The following RPS6KC1 variants were observed in gnomAD, a reference collection of about 807,000 sequenced individuals.
RPS6KC1 encodes ribosomal protein S6 kinase C1.
Under a neutral mutation model 103.8 loss-of-function variants are expected in RPS6KC1, and 54 were observed. The observed-to-expected ratio is 0.52, with a 90% CI of 0.42 to 0.65. The LOEUF is 0.65. RPS6KC1 is among the 30% of genes least tolerant of loss of function. The pLI, the probability that RPS6KC1 is intolerant of heterozygous loss-of-function variation, is 0.00. For missense variants in RPS6KC1, 1,151 were observed against 1,253.8 expected (o/e 0.92, Z 1.24); for synonymous variants, 439 against 438.7 (o/e 1.00, Z -0.01).
At chr1:213,626,198 T>A in the RPS6KC1 span, among the ~76,000 whole-genome samples, 2 of 152,262 alleles carry the variant, frequency 1.3e-5, no homozygotes, top group Non-Finnish European at 2.9e-5. Flanking sequence ...GAGCATTTTT[T>A]CATGTGTCTT....
chr1:213,633,767 G>A, the RPS6KC1 span, among the ~76,000 whole-genome samples: 953 of 150,174 alleles, frequency 6.3e-3, 5 homozygotes, highest in African/African-American at 0.017. Flanking sequence ...TGGATAAAGC[G>A]TCAAGACCCA....
At chr1:213,378,587 C>A in the RPS6KC1 span, among the ~76,000 whole-genome samples, 1,828 of 152,214 alleles carry the variant, frequency 0.012, 35 homozygotes, top group African/African-American at 0.041. Context: ...TTACTGAACC[C>A]AAACTATGTA....
intron 8 of RPS6KC1, chr1:213,205,235 T>G (rs2093303733): frequency 1.0e-6 from 1 of 984,772 alleles, no homozygotes; most frequent in African/African-American, 1.7e-5. Flanking sequence ...TACTGATTCA[T>G]TAGTACACAG....
At chr1:213,073,625 A>T (rs891285074) in intron 2 of RPS6KC1, among the ~76,000 whole-genome samples, 1 of 152,080 alleles carries the variant, frequency 6.6e-6, no homozygotes, top group Non-Finnish European at 1.5e-5. Context: ...GAAATCTCTA[A>T]CTTTTAAATC....
the RPS6KC1 span, among the ~76,000 whole-genome samples, chr1:213,321,047 A>G: frequency 6.6e-6 from 1 of 152,154 alleles, no homozygotes; most frequent in East Asian, 1.9e-4. Flanking sequence ...GGTTTTCTAC[A>G]CTTCTCAACT....
the RPS6KC1 span, among the ~76,000 whole-genome samples, chr1:213,835,284 A>G: frequency 0.86 from 130,483 of 152,194 alleles, 56,372 homozygotes; most frequent in African/African-American, 0.96. Flanking sequence ...AGGAAATGGG[A>G]TCACAGAGGT....
chr1:213,261,479 C>A, intron 12 of RPS6KC1, 79 bp from the exon 13 acceptor site: 1 of 1,272,906 alleles, frequency 7.9e-7, no homozygotes, highest in Non-Finnish European at 1.1e-6. Flanking sequence ...TTAAAAAGGT[C>A]ACCTTGCTAA....
At chr1:213,644,680 A>G in the RPS6KC1 span, among the ~76,000 whole-genome samples, 1 of 152,030 alleles carries the variant, frequency 6.6e-6, no homozygotes, top group Non-Finnish European at 1.5e-5. Flanking sequence ...AGTTTCCTCC[A>G]TGTCTTTTCA....
At chr1:213,109,456 T>C (rs1466452998) in intron 4 of RPS6KC1, among the ~76,000 whole-genome samples, 1 of 152,198 alleles carries the variant, frequency 6.6e-6, no homozygotes, top group Non-Finnish European at 1.5e-5. Context: ...GTAATTTCTT[T>C]AAGCAATGTT....
chr1:213,310,009 A>G, the RPS6KC1 span, among the ~76,000 whole-genome samples: 2 of 152,158 alleles, frequency 1.3e-5, no homozygotes, highest in Non-Finnish European at 2.9e-5. Context: ...CATTCCCCAC[A>G]TTCCACCTAT....
intron 1 of RPS6KC1, among the ~76,000 whole-genome samples, chr1:213,069,150 C>T (rs954216264): frequency 8.5e-5 from 13 of 152,068 alleles, no homozygotes; most frequent in African/African-American, 3.1e-4. Context: ...AGTAGCCACA[C>T]ACATGTGGCT....
intron 6 of RPS6KC1, among the ~76,000 whole-genome samples, chr1:213,167,470 ACACACACACACACACACAC>A (rs1558462344): frequency 4.7e-4 from 68 of 144,336 alleles, no homozygotes; most frequent in East Asian, 2.6e-3. Context: ...ACACACACAC[ACACACACACACACACACAC>A]AACAGCTGTT....
chr1:213,226,075 T>C (rs1393659793), intron 8 of RPS6KC1, among the ~76,000 whole-genome samples: 1 of 151,756 alleles, frequency 6.6e-6, no homozygotes, highest in African/African-American at 2.4e-5. Flanking sequence ...TACAAAAAAT[T>C]AGCTGGGTGT....
the RPS6KC1 span, chr1:213,794,235 A>T: frequency 2.0e-5 from 3 of 152,184 alleles, no homozygotes; most frequent in Admixed American, 6.5e-5. Context: ...ATATTTTTTT[A>T]AAAATTGCCC....
the RPS6KC1 span, among the ~76,000 whole-genome samples, chr1:213,655,135 C>A: frequency 6.6e-6 from 1 of 152,242 alleles, no homozygotes; most frequent in Non-Finnish European, 1.5e-5. Flanking sequence ...CTCCCCCTCC[C>A]AGGCTCAAGT....
chr1:213,607,855 G>A, the RPS6KC1 span, among the ~76,000 whole-genome samples: 26,039 of 152,186 alleles, frequency 0.17, 2,870 homozygotes, highest in East Asian at 0.46. Context: ...AGTTAGAATA[G>A]GGTATCTGGC....
chr1:213,263,491 G>T (rs2094845159), intron 14 of RPS6KC1, among the ~76,000 whole-genome samples: 1 of 152,192 alleles, frequency 6.6e-6, no homozygotes, highest in Admixed American at 6.5e-5. Flanking sequence ...CAGGCCCATT[G>T]CTGGGCTATC....
Position 213,051,462 on chromosome 1 carries a change from C to T in RPS6KC1, c.58C>T (p.Pro20Ser). 6.2e-7 allele frequency: 1 copy of T among 1,613,532 alleles called. No homozygotes were observed. The highest frequency in any genetic ancestry group is 8.5e-7 in the Non-Finnish European group (1 of 1,179,796). Reference sequence around the variant, plus strand: ...GGCCCGTTTCTACACTGTCACCGAGCCCCAGCGACACCCGAGGGGCTACAC... The same window carrying T: ...GGCCCGTTTCTACACTGTCACCGAGTCCCAGCGACACCCGAGGGGCTACAC... ...DLARFYTVTE[P>S]QRHPRGYTVY... Residue 20 changes from proline to serine, a missense_variant, in exon 1 of 15, where the codon CCC becomes TCC. Around this residue, in one of 3 missense-constraint regions of RPS6KC1, gnomAD observed 959 missense variants for 1,006.3 expected, o/e 0.95. Transcript: ENST00000366960.
chr1:213,671,101 T>A, the RPS6KC1 span, among the ~76,000 whole-genome samples: 1 of 152,220 alleles, frequency 6.6e-6, no homozygotes, highest in African/African-American at 2.4e-5. Flanking sequence ...CCAACCAGAC[T>A]TTTTTATTCA....
Sources: gnomAD v4.1 joint callset for allele counts (sites outside exome capture counted in the v4.1 genomes callset) on GRCh38, gnomAD v4.1.1 for gene constraint, gnomAD v4.1.1 regional missense constraint, MANE v1.5 for transcripts, NCBI Gene and HGNC (gene_info 2026-07-23, HGNC 2026-07-21) for gene names.